Variants in ATP10B observed in about 807,000 individuals in gnomAD.
The protein encoded by ATP10B is phospholipid-transporting ATPase VB.
Under a neutral mutation model 141.2 loss-of-function variants are expected in ATP10B, and 122 were observed. That is an observed-to-expected ratio of 0.86 (90% CI 0.75 to 1.00). The LOEUF (loss-of-function observed/expected upper bound fraction) is 1.00. Among genes scored for constraint, ATP10B ranks in the 50% least tolerant of loss-of-function variants. ATP10B has a pLI of 0.00. For missense variants in ATP10B, 1,876 were observed against 1,825.3 expected, an observed-to-expected ratio of 1.03 and a Z score of -0.51; for synonymous variants, 685 against 692.0, an observed-to-expected ratio of 0.99 and a Z score of 0.16.
the ATP10B span, among the ~76,000 whole-genome samples, chr5:160,863,297 T>G: frequency 2.6e-5 from 4 of 151,116 alleles, no homozygotes; most frequent in Non-Finnish European, 4.4e-5. Context: ...CACAGAAAGG[T>G]GAAAGGGAAG....
the ATP10B span, among the ~76,000 whole-genome samples, chr5:160,874,762 T>A: frequency 2.0e-5 from 3 of 151,476 alleles, no homozygotes; most frequent in Middle Eastern, 6.8e-3. Context: ...GCCGATGCGA[T>A]CAACTGGAAG....
At chr5:160,877,269 G>A in the ATP10B span, among the ~76,000 whole-genome samples, 10 of 148,740 alleles carry the variant, frequency 6.7e-5, no homozygotes, top group South Asian at 6.6e-4. Flanking sequence ...TATAAACAGA[G>A]CCAAAGACAA....
chr5:160,839,192 G>A (rs1327403086), intron 1 of ATP10B, among the ~76,000 whole-genome samples: 1 of 152,132 alleles, frequency 6.6e-6, no homozygotes. Context: ...AATGAAATGG[G>A]ATATTGAATT....
In ATP10B at chr5:160,673,622, C is replaced by A. The variant is rs1048214363; in HGVS notation, c.471-2955G>T. 3.3e-5 allele frequency among the ~76,000 whole-genome samples: 5 copies of A among 151,954 alleles called. No individual in the cohort carries two copies. In the East Asian group the frequency reaches 9.7e-4, roughly 29 times the overall value. ...TTTCTATGAATAATAGGGGCAGTCA[C>A]CCCAGATTTGTTTCCCTGTGCCATT... On this transcript the variant is annotated intron_variant, in intron 6 of 25. Transcript: ENST00000327245.
the ATP10B span, among the ~76,000 whole-genome samples, chr5:160,927,870 G>C: frequency 6.6e-6 from 1 of 152,254 alleles, no homozygotes; most frequent in Admixed American, 6.5e-5. Flanking sequence ...CAGTATTTTA[G>C]ATGCTGTGAT....
At chr5:160,646,304 G>T (rs1469431278) in intron 8 of ATP10B, among the ~76,000 whole-genome samples, 1 of 152,090 alleles carries the variant, frequency 6.6e-6, no homozygotes, top group Non-Finnish European at 1.5e-5. Context: ...TTCATTTCTT[G>T]CTAGTATGTT....
At chr5:160,644,647 C>G (rs879498627) in intron 8 of ATP10B, among the ~76,000 whole-genome samples, 3 of 152,166 alleles carry the variant, frequency 2.0e-5, no homozygotes, top group Non-Finnish European at 4.4e-5. Context: ...CTCACTGTTA[C>G]ACTCCCACCA....
intron 1 of ATP10B, among the ~76,000 whole-genome samples, chr5:160,826,394 A>G (rs1774604655): frequency 6.6e-6 from 1 of 152,186 alleles, no homozygotes; most frequent in Admixed American, 6.6e-5. Flanking sequence ...ATCACTTCCC[A>G]AATTAATACT....
chr5:160,705,778 A>G (rs985179709), intron 3 of ATP10B, among the ~76,000 whole-genome samples: 1 of 152,184 alleles, frequency 6.6e-6, no homozygotes, highest in African/African-American at 2.4e-5. Flanking sequence ...ATTTTCTTCA[A>G]GAACTTTTTC....
At chr5:160,662,273 T>C (rs1761984661) in intron 7 of ATP10B, among the ~76,000 whole-genome samples, 1 of 152,196 alleles carries the variant, frequency 6.6e-6, no homozygotes, top group Non-Finnish European at 1.5e-5. Flanking sequence ...AATGACTTTC[T>C]TCACAGAATT....
chr5:160,571,204 A>G (rs912513362), intron 24 of ATP10B, among the ~76,000 whole-genome samples: 1 of 152,102 alleles, frequency 6.6e-6, no homozygotes, highest in Non-Finnish European at 1.5e-5. Context: ...TGTTTGTCAG[A>G]CCACTTAAAA....
chr5:160,584,755 C>CT (rs1755780831), intron 24 of ATP10B, among the ~76,000 whole-genome samples: 1 of 151,970 alleles, frequency 6.6e-6, no homozygotes, highest in Non-Finnish European at 1.5e-5. Context: ...AAGTATGTTC[C>CT]TTTTTTTGTG....
chr5:160,634,284 T>G (rs757005900), intron 12 of ATP10B, 70 bp downstream of exon 12: 3 of 1,607,650 alleles, frequency 1.9e-6, no homozygotes, highest in Non-Finnish European at 2.6e-6. Flanking sequence ...GTCTTTTATC[T>G]CCTCGTTTCT....
At chr5:160,632,692 T>TA (rs1254568985) in intron 12 of ATP10B, 6 of 213,666 alleles carry the variant, frequency 2.8e-5, no homozygotes, top group African/African-American at 1.4e-4. Context: ...TACAATGTGT[T>TA]AAAATAACTA....
chr5:160,836,332 ATTT>A (rs201277436), intron 1 of ATP10B, among the ~76,000 whole-genome samples: 1 of 151,764 alleles, frequency 6.6e-6, no homozygotes, highest in Non-Finnish European at 1.5e-5. Context: ...AAGTTTTTTC[ATTT>A]TTTTTCACCT....
At chr5:160,918,562 GCACA>G in the ATP10B span, among the ~76,000 whole-genome samples, 2 of 152,104 alleles carry the variant, frequency 1.3e-5, no homozygotes, top group African/African-American at 4.8e-5. Flanking sequence ...ACACATACCT[GCACA>G]CACACATAAA....
the ATP10B span, among the ~76,000 whole-genome samples, chr5:160,858,262 G>T: frequency 6.6e-6 from 1 of 151,748 alleles, no homozygotes; most frequent in Admixed American, 6.6e-5. Flanking sequence ...AGTTTACTTT[G>T]TCTGATATTA....
intron 1 of ATP10B, among the ~76,000 whole-genome samples, chr5:160,845,585 AGTT>A (rs1554124791): frequency 2.0e-5 from 3 of 152,210 alleles, no homozygotes; most frequent in South Asian, 2.1e-4. Context: ...ATGAACAAAA[AGTT>A]TTTTTAAAAA....
At chr5:160,737,547 A>G (rs1767207238) in intron 2 of ATP10B, among the ~76,000 whole-genome samples, 1 of 152,224 alleles carries the variant, frequency 6.6e-6, no homozygotes, top group Admixed American at 6.5e-5. Flanking sequence ...CAAATTCAGT[A>G]AAGTTGCAGG....
Sources: gnomAD v4.1 joint callset for allele counts (sites outside exome capture counted in the v4.1 genomes callset) on GRCh38, gnomAD v4.1.1 for gene constraint, MANE v1.5 for transcripts, NCBI Gene and HGNC (gene_info 2026-07-23, HGNC 2026-07-21) for gene names.